Variants in CRCP observed in about 807,000 individuals in gnomAD.
CRCP encodes the protein DNA-directed RNA polymerase III subunit RPC9.
In CRCP, 18 loss-of-function variants were observed where a neutral mutation model predicts 18.5. The ratio of observed to expected loss-of-function variants is 0.97; its 90% CI spans 0.67 to 1.44. The LOEUF (loss-of-function observed/expected upper bound fraction) is 1.44, where lower values mean the gene tolerates loss of function less well. Ranked by LOEUF, CRCP falls within the 40% of genes most tolerant of loss-of-function variation. CRCP has a pLI of 0.00. For synonymous variants in CRCP, 53 were observed against 62.9 expected (o/e 0.84, Z 0.75); for missense variants, 130 against 176.4 (o/e 0.74, Z 1.49).
chr7:66,132,119 C>T (rs1442198415), intron 3 of CRCP, among the ~76,000 whole-genome samples: 1 of 152,264 alleles, frequency 6.6e-6, no homozygotes, highest in African/African-American at 2.4e-5. Flanking sequence ...GTACCCTTCC[C>T]ATAGTTTTCT....
chr7:66,122,189 C>T (rs927561137), intron 1 of CRCP, among the ~76,000 whole-genome samples: 19 of 152,130 alleles, frequency 1.2e-4, no homozygotes, highest in African/African-American at 4.3e-4. Context: ...TCCTGGCTAA[C>T]ACAGTGAAAC....
chr7:66,131,973 C>T (rs370336488), intron 3 of CRCP, among the ~76,000 whole-genome samples: 10 of 22,232 alleles, frequency 4.5e-4, no homozygotes, highest in Admixed American at 1.1e-3. Context: ...GTTGGTCAGG[C>T]GGGTATCAAA....
chr7:66,134,259 CTTTT>C lies in CRCP; in HGVS notation c.145-9_145-6del, dbSNP rs5884583. On this transcript the variant is annotated splice_polypyrimidine_tract_variant and intron_variant, in intron 3 of 5. Transcript: ENST00000395326. Reference sequence around the variant, plus strand: ...TCTTTGTCTTATGCTTGGCTTTTTTCTTTTTTTTTTTTTTTGCCAGACGTTAAAA... The same window carrying C: ...TCTTTGTCTTATGCTTGGCTTTTTTCTTTTTTTTTTTGCCAGACGTTAAAA... The C allele has an allele frequency of 7.7e-4, 1,067 of 1,381,672 alleles. No individual in the cohort carries two copies. The highest frequency in any genetic ancestry group is 1.2e-3 in the Admixed American group (53 of 45,722). The allele number at this position is 1,381,672 out of a possible 1,614,324, so 85.6% of individuals were successfully genotyped here.
intron 4 of CRCP, 33 bp downstream of exon 4, chr7:66,134,407 C>G (rs1367150065): frequency 7.1e-7 from 1 of 1,400,564 alleles, no homozygotes; most frequent in Non-Finnish European, 1.0e-6. Flanking sequence ...AAGAGCGTGA[C>G]ACATGGTGAA....
chr7:66,129,829 G>C (rs758278258), intron 2 of CRCP, among the ~76,000 whole-genome samples: 2 of 152,022 alleles, frequency 1.3e-5, no homozygotes, highest in African/African-American at 4.8e-5. Flanking sequence ...GAGAGGGGTC[G>C]TATTGTATCT....
At chr7:66,143,692 T>G (rs1370951918) in intron 4 of CRCP, among the ~76,000 whole-genome samples, 1 of 152,204 alleles carries the variant, frequency 6.6e-6, no homozygotes, top group Admixed American at 6.6e-5. Context: ...ACACTTTCCA[T>G]CCATTATCAC....
intron 1 of CRCP, chr7:66,126,633 A>G (rs774536690): frequency 7.0e-6 from 3 of 430,466 alleles, no homozygotes; most frequent in Non-Finnish European, 4.7e-6. Context: ...ATAGCCTTCC[A>G]TTATGGAGAT....
chr7:66,141,907 A>C (rs1209071759), intron 4 of CRCP, among the ~76,000 whole-genome samples: 2 of 151,994 alleles, frequency 1.3e-5, no homozygotes, highest in Admixed American at 1.3e-4. Context: ...TGTGGAGTGC[A>C]TGGGGGCCTG....
At chr7:66,126,403 G>T (rs1787619903) in intron 1 of CRCP, among the ~76,000 whole-genome samples, 1 of 149,080 alleles carries the variant, frequency 6.7e-6, no homozygotes, top group Non-Finnish European at 1.5e-5. Context: ...GATTTTTAAG[G>T]ATTCTGCATG....
intron 4 of CRCP, among the ~76,000 whole-genome samples, chr7:66,137,008 G>T (rs1262018114): frequency 6.6e-6 from 1 of 151,888 alleles, no homozygotes; most frequent in Non-Finnish European, 1.5e-5. Context: ...TTGAACCTGG[G>T]AGATGGAGGT....
At chr7:66,151,673 C>CTGTGTGTGTGTGTGTG (rs1223890806) in intron 5 of CRCP, among the ~76,000 whole-genome samples, 15 of 138,588 alleles carry the variant, frequency 1.1e-4, no homozygotes, top group Middle Eastern at 3.9e-3. Flanking sequence ...CCACTTCTCT[C>CTGTGTGTGTGTGTGTG]TGTGTGTGTG....
chr7:66,127,552 G>A, intron 1 of CRCP, 152 bp from the exon 2 acceptor site: 2 of 814,188 alleles, frequency 2.5e-6, no homozygotes, highest in Admixed American at 2.4e-5. Flanking sequence ...AAACCATGTT[G>A]GACTTAGGAC....
intron 2 of CRCP, 33 bp downstream of exon 2, chr7:66,127,773 A>C (rs1468505406): frequency 6.2e-7 from 1 of 1,611,324 alleles, no homozygotes; most frequent in Admixed American, 1.7e-5. Flanking sequence ...CCTCTCTGAT[A>C]GTTTGCCCTT....
intron 1 of CRCP, among the ~76,000 whole-genome samples, chr7:66,117,639 C>A (rs2115843015): frequency 6.6e-6 from 1 of 152,342 alleles, no homozygotes; most frequent in South Asian, 2.1e-4. Flanking sequence ...AGTGTTCACT[C>A]TTCCCCAGCC....
Position 66,153,366 on chromosome 7 carries a change from G to A in CRCP, c.*1009G>A, listed in dbSNP as rs1031944789. On this transcript the variant is annotated 3_prime_UTR_variant, in exon 6 of 6. Coordinates refer to ENST00000395326, the MANE Select transcript of CRCP (RefSeq NM_014478.5). ...AGGCAGGAGAATCGCTTGAACCCGGGAGGCAGAGGTTGAGGTGAGCCAAGA... is the reference window on the plus strand; with the variant it reads ...AGGCAGGAGAATCGCTTGAACCCGGAAGGCAGAGGTTGAGGTGAGCCAAGA... 9 of 152,338 alleles carry A rather than the reference G, an allele frequency of 5.9e-5. No homozygotes were observed. The highest frequency in any genetic ancestry group is 1.9e-4 in the African/African-American group (8 of 41,534). The allele number at this position is 152,338 out of a possible 1,614,324, so 9.4% of individuals were successfully genotyped here.
At chr7:66,119,895 A>AT (rs956386920) in intron 1 of CRCP, among the ~76,000 whole-genome samples, 18 of 151,650 alleles carry the variant, frequency 1.2e-4, no homozygotes, top group African/African-American at 3.6e-4. Flanking sequence ...TTTTCTTAAA[A>AT]TTTTTTTTTG....
rs1013575554 is a variant in CRCP, at chr7:66,154,529, T to C, written c.*2172T>C. ...TTATAAATCTGAAGAGTTAATATTG[T>C]CATCGATACAAATAAAGTGAAATCT... On this transcript the variant is annotated 3_prime_UTR_variant, in exon 6 of 6. Coordinates refer to ENST00000395326, the MANE Select transcript of CRCP (RefSeq NM_014478.5). 2.5e-4 allele frequency: 38 copies of C among 152,048 alleles called. No individual in the cohort carries two copies. Among genetic ancestry groups the C allele is most frequent in the African/African-American group, 8.7e-4 (36 of 41,420 alleles). The allele number at this position is 152,048 out of a possible 1,614,324, so 9.4% of individuals were successfully genotyped here.
rs142728057 is a variant in CRCP, at chr7:66,152,832, G to T, written c.*475G>T. 7 of 155,820 alleles carry T rather than the reference G, an allele frequency of 4.5e-5. No individual in the cohort carries two copies. In the East Asian group the frequency reaches 1.3e-3, roughly 30 times the overall value. The allele number at this position is 155,820 out of a possible 1,614,324, so 9.7% of individuals were successfully genotyped here. ...CCACTGACCTTGGCTCACCTTAGAG[G>T]AATTTCCTCGAGAACAACAGAGATA... On this transcript the variant is annotated 3_prime_UTR_variant, in exon 6 of 6. Transcript: ENST00000395326.
At chr7:66,117,421 C>G (rs1354983725) in intron 1 of CRCP, among the ~76,000 whole-genome samples, 1 of 152,146 alleles carries the variant, frequency 6.6e-6, no homozygotes, top group Non-Finnish European at 1.5e-5. Flanking sequence ...TGATGGTTCT[C>G]AAAGGTATGT....
Sources: allele counts gnomAD v4.1 joint callset (sites outside exome capture counted in the v4.1 genomes callset), GRCh38; gene constraint gnomAD v4.1.1; transcripts MANE v1.5; gene names NCBI Gene and HGNC (gene_info 2026-07-23, HGNC 2026-07-21).